FARS2: variants seen among roughly 807,000 people sequenced by gnomAD.
FARS2 encodes the protein phenylalanine--tRNA ligase, mitochondrial.
In FARS2, 40 loss-of-function variants were observed where a neutral mutation model predicts 46.4. That is an observed-to-expected ratio of 0.86 (90% CI 0.67 to 1.12). The LOEUF is 1.12. FARS2 is among the 50% of genes most tolerant of loss of function. The pLI, the probability that FARS2 is intolerant of heterozygous loss-of-function variation, is 0.00. For missense variants in FARS2, 513 were observed against 567.9 expected, an observed-to-expected ratio of 0.90 and a Z score of 0.98; for synonymous variants, 234 against 214.9, an observed-to-expected ratio of 1.09 and a Z score of -0.78.
intron 1 of FARS2, among the ~76,000 whole-genome samples, chr6:5,310,228 A>G (rs1397762163): frequency 6.6e-6 from 1 of 152,176 alleles, no homozygotes; most frequent in Non-Finnish European, 1.5e-5. Flanking sequence ...TATACCCAAG[A>G]AAATTCCAGA....
intron 1 of FARS2, among the ~76,000 whole-genome samples, chr6:5,267,484 C>T (rs1269581592): frequency 6.6e-6 from 1 of 152,046 alleles, no homozygotes; most frequent in Admixed American, 6.6e-5. Context: ...GGCGTGGTGG[C>T]TCACACCTGT....
chr6:5,584,196 A>AT (rs1773495106), intron 5 of FARS2, among the ~76,000 whole-genome samples: 1 of 150,946 alleles, frequency 6.6e-6, no homozygotes, highest in Non-Finnish European at 1.5e-5. Flanking sequence ...GCCCGACAGC[A>AT]TAAGAAGTTG....
At chr6:5,672,345 C>T (rs552146486) in intron 6 of FARS2, among the ~76,000 whole-genome samples, 2 of 152,320 alleles carry the variant, frequency 1.3e-5, no homozygotes, top group Admixed American at 6.5e-5. Context: ...CCCACCGTGA[C>T]GCAGCTTACA....
Position 5,502,707 on chromosome 6 carries a change from A to G in FARS2, c.905-42473A>G, listed in dbSNP as rs575332155. On this transcript the variant is annotated intron_variant, in intron 4 of 6. Coordinates refer to ENST00000274680, the MANE Select transcript of FARS2 (RefSeq NM_006567.5). ...AATGACTTTTCATTTAGGTGAGACAAGTAACTCTCAAGATAATTTCATTCT... is the reference window on the plus strand; with the variant it reads ...AATGACTTTTCATTTAGGTGAGACAGGTAACTCTCAAGATAATTTCATTCT... Among the ~76,000 whole-genome samples the G allele has an allele frequency of 6.6e-4, 100 of 152,352 alleles. 1 individual carries two copies. The highest frequency in any genetic ancestry group is 2.0e-3 in the Admixed American group (30 of 15,308).
chr6:5,308,183 A>T (rs1426610486), intron 1 of FARS2, among the ~76,000 whole-genome samples: 4 of 152,146 alleles, frequency 2.6e-5, no homozygotes, highest in African/African-American at 9.7e-5. Context: ...AAAGGGAGTG[A>T]TGTGTCCCGG....
chr6:5,295,517 T>C (rs1767794816), intron 1 of FARS2, among the ~76,000 whole-genome samples: 1 of 152,082 alleles, frequency 6.6e-6, no homozygotes, highest in African/African-American at 2.4e-5. Context: ...TTAAAAAGGA[T>C]CAAGCAAATA....
intron 5 of FARS2, among the ~76,000 whole-genome samples, chr6:5,602,220 C>T (rs56276929): frequency 0.28 from 42,129 of 152,034 alleles, 6,556 homozygotes; most frequent in African/African-American, 0.42. Flanking sequence ...AGAAACTTTA[C>T]TGAAATAAGG....
At chr6:5,470,018 T>C (rs1211978597) in intron 4 of FARS2, among the ~76,000 whole-genome samples, 1 of 152,254 alleles carries the variant, frequency 6.6e-6, no homozygotes, top group African/African-American at 2.4e-5. Flanking sequence ...TGCAGAGCAC[T>C]TAGAATAGTT....
intron 5 of FARS2, among the ~76,000 whole-genome samples, chr6:5,597,997 C>T (rs1774297779): frequency 6.6e-6 from 1 of 152,124 alleles, no homozygotes; most frequent in Non-Finnish European, 1.5e-5. Flanking sequence ...TGATCAATCT[C>T]ACCAGTCCCT....
rs141807754 is a variant in FARS2 at position 5,679,871 on chromosome 6, T to G, written c.1217+66551T>G. Among the ~76,000 whole-genome samples, 288 of 108,058 alleles carry G rather than the reference T, an allele frequency of 2.7e-3. 3 individuals are homozygous for G. Among genetic ancestry groups the G allele is most frequent in the Middle Eastern group, 7.1e-3 (1 of 140 alleles). The allele number at this position is 108,058 out of a possible 152,430, so 70.9% of individuals were successfully genotyped here. ...CCACCCCCACCCCCCAACGCACACA[T>G]TTCCTTCATAACAACACCCTAGAGT... On this transcript the variant is annotated intron_variant, in intron 6 of 6. Coordinates refer to ENST00000274680, the MANE Select transcript of FARS2 (RefSeq NM_006567.5).
intron 4 of FARS2, among the ~76,000 whole-genome samples, chr6:5,440,909 C>T (rs910985322): frequency 1.0e-4 from 15 of 146,332 alleles, no homozygotes; most frequent in African/African-American, 3.5e-4. Context: ...TGGCTCAGTC[C>T]ATTTTCTTTC....
chr6:5,386,256 G>A (rs574042897), intron 2 of FARS2, among the ~76,000 whole-genome samples: 8 of 152,188 alleles, frequency 5.3e-5, no homozygotes, highest in African/African-American at 9.7e-5. Flanking sequence ...GAATGAAGAT[G>A]TATGAAGGTG....
chr6:5,674,444 C>A (rs1373493509), intron 6 of FARS2, among the ~76,000 whole-genome samples: 2 of 152,130 alleles, frequency 1.3e-5, no homozygotes, highest in East Asian at 3.9e-4. Context: ...TTCCAGCTGG[C>A]CACACTGTAA....
intron 4 of FARS2, among the ~76,000 whole-genome samples, chr6:5,466,025 T>G (rs1765495136): frequency 6.6e-6 from 1 of 152,206 alleles, no homozygotes; most frequent in South Asian, 2.1e-4. Flanking sequence ...CAGACCTGCC[T>G]CTTTTTTCTG....
At chr6:5,342,382 G>A (rs1260161952) in intron 1 of FARS2, among the ~76,000 whole-genome samples, 3 of 152,162 alleles carry the variant, frequency 2.0e-5, no homozygotes, top group African/African-American at 7.2e-5. Context: ...GAACAGAAAT[G>A]GTAAAATGTT....
chr6:5,739,622 C>G (rs1761191939), intron 6 of FARS2, among the ~76,000 whole-genome samples: 2 of 152,330 alleles, frequency 1.3e-5, no homozygotes, highest in South Asian at 4.1e-4. Flanking sequence ...GTATGTTTCT[C>G]AGGCTAGCAG....
chr6:5,557,552 G>C (rs1375191276), intron 5 of FARS2, among the ~76,000 whole-genome samples: 1 of 152,130 alleles, frequency 6.6e-6, no homozygotes, highest in Non-Finnish European at 1.5e-5. Flanking sequence ...TGTCAATAAA[G>C]CTTATGCTTT....
chr6:5,468,610 G>A (rs1206375182), intron 4 of FARS2, among the ~76,000 whole-genome samples: 1 of 152,194 alleles, frequency 6.6e-6, no homozygotes, highest in African/African-American at 2.4e-5. Flanking sequence ...AAAAGGTAAT[G>A]ACACTATTCT....
intron 6 of FARS2, among the ~76,000 whole-genome samples, chr6:5,651,537 A>C (rs902211266): frequency 2.0e-5 from 3 of 152,220 alleles, no homozygotes; most frequent in Non-Finnish European, 4.4e-5. Context: ...CAAAAAAAGC[A>C]AGGCAAGAAC....
Sources: allele counts gnomAD v4.1 joint callset (sites outside exome capture counted in the v4.1 genomes callset), GRCh38; gene constraint gnomAD v4.1.1; transcripts MANE v1.5; gene names NCBI Gene and HGNC (gene_info 2026-07-23, HGNC 2026-07-21).